LAMC3: variants seen among roughly 807,000 people sequenced by gnomAD.
LAMC3 encodes laminin subunit gamma-3.
LAMC3 carries 128 observed loss-of-function variants against 173.8 expected under a neutral mutation model. The observed-to-expected ratio is 0.74, with a 90% CI of 0.64 to 0.85. LAMC3 has a LOEUF of 0.85. Ranked by LOEUF, LAMC3 falls within the 40% of genes least tolerant of loss-of-function variation. The probability of loss-of-function intolerance (pLI) is 0.00; values close to 1 mark genes in which losing one functional copy is unlikely to be tolerated. For synonymous variants in LAMC3, 897 were observed against 909.1 expected, an observed-to-expected ratio of 0.99 and a Z score of 0.24; for missense variants, 2,022 against 2,156.0, an observed-to-expected ratio of 0.94 and a Z score of 1.23.
intron 1 of LAMC3, among the ~76,000 whole-genome samples, chr9:131,023,124 A>G (rs1214258837): frequency 2.0e-5 from 3 of 152,186 alleles, no homozygotes; most frequent in Non-Finnish European, 4.4e-5. Context: ...CTTGTAGCCC[A>G]ATCATATTCC....
At chr9:131,085,476 G>C in intron 24 of LAMC3, 48 bp from the exon 25 acceptor site, 1 of 1,603,830 alleles carries the variant, frequency 6.2e-7, no homozygotes, top group Non-Finnish European at 8.5e-7. Context: ...GGGAGGCACC[G>C]GAGGTGTGAG....
intron 13 of LAMC3, 74 bp from the exon 14 acceptor site, chr9:131,066,886 C>T: frequency 6.3e-7 from 1 of 1,583,874 alleles, no homozygotes; most frequent in Non-Finnish European, 8.6e-7. Context: ...GACGCTTGCT[C>T]TGCTTCACAC....
chr9:131,067,910 C>A (rs767632367), intron 14 of LAMC3, among the ~76,000 whole-genome samples, 168 bp from the exon 15 acceptor site: 1 of 152,196 alleles, frequency 6.6e-6, no homozygotes, highest in Non-Finnish European at 1.5e-5. Context: ...TGGGCTGAGG[C>A]TTGAGCTTGG....
intron 11 of LAMC3, among the ~76,000 whole-genome samples, chr9:131,055,241 A>C (rs773603276): frequency 4.6e-5 from 7 of 152,026 alleles, no homozygotes; most frequent in Non-Finnish European, 1.0e-4. Context: ...TCTGATGAGG[A>C]GTGTCGGCCG....
intron 24 of LAMC3, among the ~76,000 whole-genome samples, chr9:131,085,073 T>C (rs1223482737): frequency 6.6e-6 from 1 of 152,208 alleles, no homozygotes; most frequent in Non-Finnish European, 1.5e-5. Context: ...CTCTCCTCTG[T>C]CCTTCCTCAT....
At chr9:131,075,999 G>C (rs761697066) in intron 21 of LAMC3, 34 bp downstream of exon 21, 1 of 1,574,486 alleles carries the variant, frequency 6.4e-7, no homozygotes, top group South Asian at 1.1e-5. Context: ...AGAAACTTTG[G>C]GGTTGGCCTC....
At position 131,091,531 on chromosome 9, in the gene LAMC3, C is replaced by T. The variant is rs1430330297; in HGVS notation, c.4478-6C>T. On this transcript the variant is annotated splice_region_variant and splice_polypyrimidine_tract_variant and intron_variant, in intron 27 of 27. Coordinates refer to ENST00000361069, the MANE Select transcript of LAMC3 (RefSeq NM_006059.4). Reference sequence around the variant, plus strand: ...TCACAGTGAGGCTGTTTGTGCCCCACCACAGGGTCGCTGGACACCCATCAA... The same window carrying T: ...TCACAGTGAGGCTGTTTGTGCCCCATCACAGGGTCGCTGGACACCCATCAA... 6.3e-7 allele frequency: 1 copy of T among 1,575,524 alleles called. No homozygotes were observed. The highest frequency in any genetic ancestry group is 1.8e-5 in the Admixed American group (1 of 54,566).
intron 1 of LAMC3, among the ~76,000 whole-genome samples, chr9:131,020,814 G>C (rs1833610407): frequency 6.6e-6 from 1 of 152,182 alleles, no homozygotes; most frequent in Non-Finnish European, 1.5e-5. Flanking sequence ...AGAGAGACTA[G>C]GGGAGGAAGG....
Position 131,087,775 on chromosome 9 carries a change from GAGA to G in LAMC3, c.4438_4440del (p.Lys1480del). ...GATCCGGGAATCGCGTATCTCACTGGAGAAGGACATCGAGACCTTGTCAGAGCT... is the reference window on the plus strand; with the variant it reads ...GATCCGGGAATCGCGTATCTCACTGGAGGACATCGAGACCTTGTCAGAGCT... On this transcript the variant is annotated inframe_deletion, in exon 27 of 28. Coordinates refer to ENST00000361069, the MANE Select transcript of LAMC3 (RefSeq NM_006059.4). 6.2e-7 allele frequency: 1 copy of G among 1,614,168 alleles called. No homozygotes were observed. Among genetic ancestry groups the G allele is most frequent in the Non-Finnish European group, 8.5e-7 (1 of 1,180,048 alleles).
rs1241245072 is a variant in LAMC3, at chr9:131,092,563, C to T, written c.*776C>T. ...TCACCGGACGCTTCCCTCTCAGGGT[C>T]CTGGGACTGCACCAGATGCCCTGAG... is the stretch of plus-strand genomic sequence containing the variant. On this transcript the variant is annotated 3_prime_UTR_variant, in exon 28 of 28. Coordinates refer to ENST00000361069, the MANE Select transcript of LAMC3 (RefSeq NM_006059.4). 4 of 152,722 alleles carry T rather than the reference C, an allele frequency of 2.6e-5. No individual in the cohort carries two copies. The highest frequency in any genetic ancestry group is 9.6e-5 in the African/African-American group (4 of 41,452). 9.5% of individuals were successfully genotyped at this position (152,722 alleles called of 1,614,324 possible). A position where few individuals can be genotyped will look rare whatever the true frequency, so the allele number is the denominator to read the frequency against.
intron 9 of LAMC3, among the ~76,000 whole-genome samples, chr9:131,050,862 G>A (rs961192053): frequency 2.0e-5 from 3 of 152,206 alleles, no homozygotes; most frequent in Admixed American, 2.0e-4. Context: ...CTGTGATGCG[G>A]CCGGTTGTGG....
chr9:131,034,488 G>A (rs774551020), intron 3 of LAMC3, among the ~76,000 whole-genome samples: 5 of 152,282 alleles, frequency 3.3e-5, no homozygotes, highest in African/African-American at 7.2e-5. Flanking sequence ...AGGGCAGAGC[G>A]TGGAACGTGG....
chr9:131,009,388 C>A lies in LAMC3; in HGVS notation c.174C>A (p.Pro58=), dbSNP rs1358184362. 2 of 1,531,892 alleles carry A rather than the reference C, an allele frequency of 1.3e-6. No homozygotes were observed. The highest frequency in any genetic ancestry group is 8.7e-7 in the Non-Finnish European group (1 of 1,142,898). 94.9% of individuals were successfully genotyped at this position (1,531,892 alleles called of 1,614,324 possible). A position where few individuals can be genotyped will look rare whatever the true frequency, so the allele number is the denominator to read the frequency against. Residue 58 remains proline, a synonymous_variant, in exon 1 of 28, where the codon CCC becomes CCA. Coordinates refer to ENST00000361069, the MANE Select transcript of LAMC3 (RefSeq NM_006059.4). The surrounding 1 kb of genome is among the most constrained non-coding windows in gnomAD (Gnocchi z 4.3). ...AQASHTCGSP[P]EDFCPHVGAA... ...CCTCGCACACGTGCGGCAGCCCGCC[C>A]GAGGACTTCTGTCCCCACGTGGGCG...
Position 131,068,078 on chromosome 9 carries a change from C to T in LAMC3, c.2594C>T (p.Pro865Leu), listed in dbSNP as rs1287284857. 2 of 1,610,516 alleles carry T rather than the reference C, an allele frequency of 1.2e-6. No individual in the cohort carries two copies. The highest frequency in any genetic ancestry group is 1.7e-6 in the Non-Finnish European group (2 of 1,180,024). Residue 865 changes from proline to leucine, a missense_variant and splice_region_variant, in exon 15 of 28, where the codon CCT (proline) becomes CTT (leucine). Physicochemically the swap from Pro to Leu is moderately conservative, Grantham distance 98. Transcript: ENST00000361069. ...LAPRPADKCM[P>L]CSCHPQGSVS... ...CACCCCTTCCTGCTCCTGCCCCCAG[C>T]TTGCAGCTGTCACCCACAGGGCTCG...
At chr9:131,071,675 A>G in intron 18 of LAMC3, 50 bp downstream of exon 18, 2 of 1,498,676 alleles carry the variant, frequency 1.3e-6, no homozygotes, top group African/African-American at 1.4e-5. Context: ...GGAGGCCCCC[A>G]GCGCCTGCAG....
chr9:131,032,732 A>T (rs924037888), intron 3 of LAMC3, among the ~76,000 whole-genome samples: 1 of 152,054 alleles, frequency 6.6e-6, no homozygotes, highest in Non-Finnish European at 1.5e-5. Context: ...GCAGTGGTGC[A>T]ATCTCAGCTC....
At chr9:131,063,634 G>A (rs1402226259) in intron 13 of LAMC3, among the ~76,000 whole-genome samples, 2 of 152,186 alleles carry the variant, frequency 1.3e-5, no homozygotes, top group Admixed American at 6.5e-5. Context: ...GAAGACTCCT[G>A]CCTGCCATCC....
chr9:131,067,350 T>G, intron 14 of LAMC3, 145 bp downstream of exon 14: 1 of 979,178 alleles, frequency 1.0e-6, no homozygotes, highest in Non-Finnish European at 1.6e-6. Flanking sequence ...GGCAGGTCAC[T>G]TCCCTTCCTG....
At chr9:131,073,435 C>G in intron 20 of LAMC3, 114 bp downstream of exon 20, 1 of 799,248 alleles carries the variant, frequency 1.3e-6, no homozygotes, top group Non-Finnish European at 2.2e-6. Context: ...ATTACAAGAG[C>G]TGTCTGATGG....
Sources: gnomAD v4.1 joint callset for allele counts (sites outside exome capture counted in the v4.1 genomes callset) on GRCh38, gnomAD v4.1.1 for gene constraint, Gnocchi (gnomAD v3.1) non-coding constraint, MANE v1.5 for transcripts, NCBI Gene and HGNC (gene_info 2026-07-23, HGNC 2026-07-21) for gene names.